UNC5D: variants seen among roughly 807,000 people sequenced by gnomAD.
UNC5D encodes the protein unc-5 netrin receptor D, also known as netrin receptor UNC5D.
Under a neutral mutation model 105.4 loss-of-function variants are expected in UNC5D, and 39 were observed. The ratio of observed to expected loss-of-function variants is 0.37; its 90% CI spans 0.29 to 0.48. The LOEUF (loss-of-function observed/expected upper bound fraction) is 0.48, where lower values mean the gene tolerates loss of function less well. Ranked by LOEUF, UNC5D falls within the 20% of genes least tolerant of loss-of-function variation. The probability of loss-of-function intolerance (pLI) is 0.98; values close to 1 mark genes in which losing one functional copy is unlikely to be tolerated. For missense variants in UNC5D, 991 were observed against 1,202.4 expected, an observed-to-expected ratio of 0.82 and a Z score of 2.60; for synonymous variants, 452 against 450.4, an observed-to-expected ratio of 1.00 and a Z score of -0.04.
At chr8:35,711,156 C>T (rs1020419982) in intron 8 of UNC5D, among the ~76,000 whole-genome samples, 15 of 147,024 alleles carry the variant, frequency 1.0e-4, no homozygotes, top group African/African-American at 3.9e-4. Flanking sequence ...ATGATCTGGT[C>T]CCGGCTTTCT....
intron 8 of UNC5D, among the ~76,000 whole-genome samples, chr8:35,720,019 G>A (rs1439997638): frequency 1.3e-5 from 2 of 152,166 alleles, no homozygotes; most frequent in Admixed American, 1.3e-4. Flanking sequence ...TGGTCTGCAG[G>A]CATACATAGG....
At chr8:35,540,444 GGTGT>G (rs11467586) in intron 1 of UNC5D, among the ~76,000 whole-genome samples, 2,488 of 142,708 alleles carry the variant, frequency 0.017, 61 homozygotes, top group African/African-American at 0.052. Context: ...AAAGCAGAGG[GGTGT>G]GTGTGTGTGT....
At chr8:35,561,100 A>G (rs1816924287) in intron 2 of UNC5D, among the ~76,000 whole-genome samples, 1 of 152,118 alleles carries the variant, frequency 6.6e-6, no homozygotes, top group Admixed American at 6.5e-5. Flanking sequence ...AGGGCTGGCT[A>G]ATTTTTAGAG....
intron 2 of UNC5D, 56 bp downstream of exon 2, chr8:35,549,566 G>A (rs1284544438): frequency 1.3e-6 from 2 of 1,526,308 alleles, no homozygotes; most frequent in Non-Finnish European, 1.8e-6. Context: ...TTCTCCTGTG[G>A]TTATATCTCT....
At chr8:35,629,935 G>A (rs1821937171) in intron 4 of UNC5D, among the ~76,000 whole-genome samples, 1 of 152,142 alleles carries the variant, frequency 6.6e-6, no homozygotes, top group East Asian at 1.9e-4. Context: ...GTAACCCTAA[G>A]ATTTTGTTTC....
intron 1 of UNC5D, among the ~76,000 whole-genome samples, chr8:35,318,527 A>G (rs1018434981): frequency 6.6e-5 from 10 of 152,090 alleles, no homozygotes; most frequent in African/African-American, 2.4e-4. Flanking sequence ...ATCATCCATA[A>G]CATTTTAATG....
At chr8:35,254,994 A>T (rs1563253343) in intron 1 of UNC5D, 1 of 152,216 alleles carries the variant, frequency 6.6e-6, no homozygotes, top group Non-Finnish European at 1.5e-5. Flanking sequence ...AAATAGAGAA[A>T]AGTATTAAAG....
In UNC5D at chr8:35,726,462, A is replaced by G. The variant is rs751475651; in HGVS notation, c.1614A>G (p.Thr538=). ...TCCAAAATCTGTCATCACTCCCCACAAGGACAGAACTGAGGACAACTGGTG... is the reference window on the plus strand; with the variant it reads ...TCCAAAATCTGTCATCACTCCCCACGAGGACAGAACTGAGGACAACTGGTG... The part of the protein sequence containing the change: ...PYIQNLSSLP[T]RTELRTTGVF... The change falls in exon 10 of 17, where the codon ACA becomes ACG. Residue 538 remains threonine (T), a synonymous_variant. Transcript: ENST00000404895. 6.2e-7 allele frequency: 1 copy of G among 1,614,094 alleles called. No individual in the cohort carries two copies. Among genetic ancestry groups the G allele is most frequent in the South Asian group, 1.1e-5 (1 of 91,084 alleles).
chr8:35,567,167 C>T (rs1207239840), intron 2 of UNC5D, among the ~76,000 whole-genome samples: 1 of 152,122 alleles, frequency 6.6e-6, no homozygotes, highest in Non-Finnish European at 1.5e-5. Context: ...ATAAAAACCC[C>T]CCTTTCTTCA....
At chr8:35,406,328 A>G (rs1024822831) in intron 1 of UNC5D, among the ~76,000 whole-genome samples, 1 of 152,190 alleles carries the variant, frequency 6.6e-6, no homozygotes, top group Admixed American at 6.5e-5. Context: ...TTTAGAAATC[A>G]TAAGTGATGT....
At chr8:35,433,488 T>G (rs916277532) in intron 1 of UNC5D, among the ~76,000 whole-genome samples, 5 of 152,232 alleles carry the variant, frequency 3.3e-5, no homozygotes, top group African/African-American at 1.2e-4. Context: ...TTAATTTCTA[T>G]CAACTCCCCC....
At chr8:35,331,620 G>A (rs867017439) in intron 1 of UNC5D, among the ~76,000 whole-genome samples, 2 of 152,142 alleles carry the variant, frequency 1.3e-5, no homozygotes, top group African/African-American at 2.4e-5. Context: ...ACCATCCTTG[G>A]AGGGGGTGCT....
At chr8:35,722,480 T>C in intron 9 of UNC5D, 85 bp downstream of exon 9, 1 of 1,496,332 alleles carries the variant, frequency 6.7e-7, no homozygotes, top group South Asian at 1.3e-5. Flanking sequence ...CTGGGCCCTG[T>C]GTGAAGGTAG....
At position 35,586,758 on chromosome 8, in the gene UNC5D, T is replaced by TA. The variant is rs900572790; in HGVS notation, c.467-8789dup. Among the ~76,000 whole-genome samples, 12 of 152,138 alleles carry TA rather than the reference T, an allele frequency of 7.9e-5. No homozygotes were observed. The East Asian group carries it at 2.1e-3, about 27-fold the overall frequency. ...AACAAATGGCTTTGACTATGACTAT[T>TA]AAAAAAATGACTATGATTTTTCACT... On this transcript the variant is annotated intron_variant, in intron 3 of 16. Transcript: ENST00000404895.
chr8:35,329,400 G>GATATATAT (rs36221011), intron 1 of UNC5D, among the ~76,000 whole-genome samples: 39 of 147,380 alleles, frequency 2.6e-4, no homozygotes, highest in African/African-American at 5.0e-4. Flanking sequence ...TTATTGGGTT[G>GATATATAT]ATATATATAT....
chr8:35,656,533 C>G lies in UNC5D; in HGVS notation c.571-27014C>G, dbSNP rs529058283. Among the ~76,000 whole-genome samples the G allele has an allele frequency of 6.5e-4, 99 of 152,328 alleles. 1 individual carries two copies. Among genetic ancestry groups the G allele is most frequent in the Non-Finnish European group, 1.4e-3 (97 of 68,018 alleles). On this transcript the variant is annotated intron_variant, in intron 4 of 16. Transcript: ENST00000404895. Reference sequence around the variant, plus strand: ...CACAGTGTCTCTCCTATTGAACATACTATCTATCTTTCCTGTTCTTCTTCC... The same window carrying G: ...CACAGTGTCTCTCCTATTGAACATAGTATCTATCTTTCCTGTTCTTCTTCC...
At chr8:35,290,606 A>G (rs544929699) in intron 1 of UNC5D, among the ~76,000 whole-genome samples, 3 of 152,286 alleles carry the variant, frequency 2.0e-5, no homozygotes, top group Non-Finnish European at 2.9e-5. Flanking sequence ...ATAATGTATT[A>G]TATACTTCAA....
intron 4 of UNC5D, among the ~76,000 whole-genome samples, chr8:35,682,621 G>A (rs1825743425): frequency 6.6e-6 from 1 of 152,180 alleles, no homozygotes; most frequent in African/African-American, 2.4e-5. Flanking sequence ...AAATAACACA[G>A]ATCAGAGGAA....
intron 1 of UNC5D, among the ~76,000 whole-genome samples, chr8:35,426,748 A>C (rs1300903102): frequency 6.6e-6 from 1 of 152,210 alleles, no homozygotes; most frequent in Non-Finnish European, 1.5e-5. Flanking sequence ...GAAATTAAAC[A>C]GCAGGGAGAT....
Sources: gnomAD v4.1 joint callset for allele counts (sites outside exome capture counted in the v4.1 genomes callset) on GRCh38, gnomAD v4.1.1 for gene constraint, MANE v1.5 for transcripts, NCBI Gene and HGNC (gene_info 2026-07-23, HGNC 2026-07-21) for gene names.